Variants in MIPOL1 observed in about 807,000 individuals in gnomAD.
MIPOL1 encodes mirror-image polydactyly gene 1 protein.
MIPOL1 carries 57 observed loss-of-function variants against 60.9 expected under a neutral mutation model. That is an observed-to-expected ratio of 0.94 (90% CI 0.76 to 1.17). The LOEUF is 1.17. MIPOL1 is among the 50% of genes most tolerant of loss of function. The pLI is 0.00. For synonymous variants in MIPOL1, 179 were observed against 168.8 expected (o/e 1.06, Z -0.47); for missense variants, 551 against 511.6 (o/e 1.08, Z -0.74).
chr14:37,488,930 C>T (rs757058251), intron 11 of MIPOL1, among the ~76,000 whole-genome samples: 5 of 152,126 alleles, frequency 3.3e-5, no homozygotes, highest in Non-Finnish European at 7.3e-5. Flanking sequence ...GGTTGCTCTT[C>T]TCAAGGAATA....
intron 11 of MIPOL1, among the ~76,000 whole-genome samples, chr14:37,483,539 A>G (rs914710233): frequency 1.3e-5 from 2 of 152,310 alleles, no homozygotes; most frequent in Non-Finnish European, 2.9e-5. Flanking sequence ...GGCCAACTGT[A>G]TAGCCATTAT....
chr14:37,530,235 G>A (rs2095471325), intron 12 of MIPOL1, among the ~76,000 whole-genome samples: 1 of 152,092 alleles, frequency 6.6e-6, no homozygotes, highest in African/African-American at 2.4e-5. Flanking sequence ...ATAAGAGATA[G>A]GAAAAACACA....
chr14:37,351,275 A>G (rs1174801462), intron 9 of MIPOL1, among the ~76,000 whole-genome samples: 1 of 145,064 alleles, frequency 6.9e-6, no homozygotes, highest in African/African-American at 2.6e-5. Context: ...TCCATGGTGT[A>G]TATGTGCCAC....
rs73253801 is a variant in MIPOL1, at chr14:37,531,850, G to C, written c.1263-15055G>C. Among the ~76,000 whole-genome samples, 105 of 152,096 alleles carry C rather than the reference G, an allele frequency of 6.9e-4. 1 individual carries two copies. The highest frequency in any genetic ancestry group is 2.5e-3 in the African/African-American group (103 of 41,526). On this transcript the variant is annotated intron_variant, in intron 12 of 12. Transcript: ENST00000684589. The stretch of plus-strand genomic sequence containing the variant: ...TAGGTGACTATATGGTACATTGAGG[G>C]GAGAGAAGGGGACCTATATGCCTCC...
intron 11 of MIPOL1, among the ~76,000 whole-genome samples, chr14:37,473,778 A>G (rs914345190): frequency 2.0e-5 from 3 of 152,208 alleles, no homozygotes; most frequent in Non-Finnish European, 4.4e-5. Context: ...TTCACTCATT[A>G]TATTGTACAG....
At chr14:37,258,660 T>G (rs181091685) in intron 3 of MIPOL1, among the ~76,000 whole-genome samples, 3 of 152,258 alleles carry the variant, frequency 2.0e-5, no homozygotes, top group Non-Finnish European at 2.9e-5. Flanking sequence ...TGTAGGATAT[T>G]ACGCTATTAT....
intron 9 of MIPOL1, among the ~76,000 whole-genome samples, chr14:37,360,665 C>G (rs184673497): frequency 2.5e-4 from 38 of 150,360 alleles, no homozygotes; most frequent in Non-Finnish European, 4.3e-4. Flanking sequence ...GTGGTGATAT[C>G]CCCTTTGTCA....
intron 1 of MIPOL1, among the ~76,000 whole-genome samples, chr14:37,201,453 A>C (rs895658439): frequency 6.6e-6 from 1 of 152,208 alleles, no homozygotes; most frequent in Admixed American, 6.5e-5. Context: ...AGGAAAGAAA[A>C]GGATGAATGT....
intron 12 of MIPOL1, among the ~76,000 whole-genome samples, chr14:37,539,496 C>G (rs1206814866): frequency 2.7e-5 from 4 of 149,422 alleles, no homozygotes; most frequent in Admixed American, 2.6e-4. Context: ...TTCCATTTCC[C>G]TTTGTAATGA....
chr14:37,419,939 CT>C (rs2093841607), intron 10 of MIPOL1, among the ~76,000 whole-genome samples: 1 of 151,852 alleles, frequency 6.6e-6, no homozygotes, highest in South Asian at 2.1e-4. Flanking sequence ...TGAGGTCTTG[CT>C]ATGTTGTCCA....
At chr14:37,546,874 C>T (rs181581017) in intron 12 of MIPOL1, 31 bp from the exon 13 acceptor site, 4 of 1,590,436 alleles carry the variant, frequency 2.5e-6, no homozygotes, top group South Asian at 2.2e-5. Flanking sequence ...CTTTTTTTCC[C>T]CTTCTCACCC....
chr14:37,481,112 G>A (rs539327677), intron 11 of MIPOL1, among the ~76,000 whole-genome samples: 2 of 152,270 alleles, frequency 1.3e-5, no homozygotes, highest in South Asian at 2.1e-4. Context: ...CTGGACTCCA[G>A]CCTGGGTGGC....
chr14:37,373,568 G>A (rs920065271), intron 10 of MIPOL1, among the ~76,000 whole-genome samples: 27 of 151,790 alleles, frequency 1.8e-4, no homozygotes, highest in Non-Finnish European at 4.4e-5. Context: ...CCCCACGTGT[G>A]ATGGTCCCCT....
chr14:37,205,899 T>C (rs1966009330), intron 1 of MIPOL1, among the ~76,000 whole-genome samples: 1 of 152,190 alleles, frequency 6.6e-6, no homozygotes, highest in Admixed American at 6.5e-5. Context: ...TCCAAGTCTT[T>C]GCTGTTGTGA....
At chr14:37,345,549 C>G (rs2090889348) in intron 9 of MIPOL1, among the ~76,000 whole-genome samples, 1 of 152,112 alleles carries the variant, frequency 6.6e-6, no homozygotes, top group Non-Finnish European at 1.5e-5. Flanking sequence ...TGAGTTTTTT[C>G]TAAGTCTCTT....
At chr14:37,435,615 G>A (rs921285735) in intron 11 of MIPOL1, among the ~76,000 whole-genome samples, 4 of 151,754 alleles carry the variant, frequency 2.6e-5, no homozygotes, top group Non-Finnish European at 4.4e-5. Context: ...TTAAATATAC[G>A]TGTATGCTTA....
At chr14:37,356,614 C>G (rs1595364262) in intron 9 of MIPOL1, among the ~76,000 whole-genome samples, 1 of 152,324 alleles carries the variant, frequency 6.6e-6, no homozygotes, top group African/African-American at 2.4e-5. Context: ...TCATGGTGAG[C>G]TGTTTTTTAA....
At chr14:37,222,417 G>T (rs7143872) in intron 1 of MIPOL1, among the ~76,000 whole-genome samples, 46,180 of 149,828 alleles carry the variant, frequency 0.31, 7,215 homozygotes, top group African/African-American at 0.35. Context: ...TTATTATAGA[G>T]GTTATAGCTC....
intron 9 of MIPOL1, among the ~76,000 whole-genome samples, chr14:37,349,456 C>T (rs1053096429): frequency 4.6e-5 from 7 of 152,176 alleles, no homozygotes; most frequent in African/African-American, 1.4e-4. Flanking sequence ...CACTCTTCTC[C>T]TCCCGCTTGC....
Sources: allele counts gnomAD v4.1 joint callset (sites outside exome capture counted in the v4.1 genomes callset), GRCh38; gene constraint gnomAD v4.1.1; transcripts MANE v1.5; gene names NCBI Gene and HGNC (gene_info 2026-07-23, HGNC 2026-07-21).